TWSG1: variants seen among roughly 807,000 people sequenced by gnomAD.
TWSG1 encodes twisted gastrulation BMP signaling modulator 1.
Under a neutral mutation model 23.0 loss-of-function variants are expected in TWSG1, and 15 were observed. That is an observed-to-expected ratio of 0.65 (90% CI 0.44 to 1.00). The LOEUF (loss-of-function observed/expected upper bound fraction) is 1.00. Among genes scored for constraint, TWSG1 ranks in the 50% least tolerant of loss-of-function variants. TWSG1 has a pLI of 0.00. For missense variants in TWSG1, 242 were observed against 278.7 expected (o/e 0.87, Z 0.94); for synonymous variants, 86 against 92.8 (o/e 0.93, Z 0.42).
chr18:9,377,429 G>C (rs1205233214), intron 3 of TWSG1, among the ~76,000 whole-genome samples: 11 of 150,086 alleles, frequency 7.3e-5, no homozygotes. Flanking sequence ...ATGTTGGCCA[G>C]GTTGGTCTCG....
chr18:9,382,812 A>C (rs1200811679), intron 3 of TWSG1, among the ~76,000 whole-genome samples: 1 of 101,986 alleles, frequency 9.8e-6, no homozygotes, highest in African/African-American at 3.3e-5. Flanking sequence ...GTCTCAAAAA[A>C]AAAAAAACAA....
intron 2 of TWSG1, among the ~76,000 whole-genome samples, chr18:9,345,508 C>T (rs1435242577): frequency 6.6e-6 from 1 of 152,098 alleles, no homozygotes; most frequent in Non-Finnish European, 1.5e-5. Context: ...TCCACTTGTC[C>T]CAGCAACATT....
chr18:9,352,136 T>C (rs1359843526), intron 2 of TWSG1, among the ~76,000 whole-genome samples: 7 of 152,184 alleles, frequency 4.6e-5, no homozygotes, highest in Non-Finnish European at 8.8e-5. Flanking sequence ...TTTTTCTCTA[T>C]AGTTTTGCCT....
At chr18:9,380,447 A>G (rs906261268) in intron 3 of TWSG1, among the ~76,000 whole-genome samples, 2 of 152,206 alleles carry the variant, frequency 1.3e-5, no homozygotes, top group Non-Finnish European at 2.9e-5. Context: ...TCTTGTGAAG[A>G]TGAAGGTGAA....
At chr18:9,363,372 A>G (rs1044778244) in intron 3 of TWSG1, among the ~76,000 whole-genome samples, 2 of 151,970 alleles carry the variant, frequency 1.3e-5, no homozygotes, top group African/African-American at 4.8e-5. Context: ...ACAAAAATAG[A>G]GAGTACAGTG....
At chr18:9,397,592 A>G (rs2040742938) in intron 4 of TWSG1, among the ~76,000 whole-genome samples, 1 of 152,266 alleles carries the variant, frequency 6.6e-6, no homozygotes, top group Non-Finnish European at 1.5e-5. Context: ...CTGTGGAAGC[A>G]TAAAGCACTT....
intron 2 of TWSG1, among the ~76,000 whole-genome samples, chr18:9,346,656 T>C (rs1441092518): frequency 6.6e-6 from 1 of 152,104 alleles, no homozygotes; most frequent in African/African-American, 2.4e-5. Context: ...CCTAGCTAAC[T>C]GGGAGGCCAC....
At chr18:9,365,069 C>G (rs919463504) in intron 3 of TWSG1, among the ~76,000 whole-genome samples, 6 of 152,258 alleles carry the variant, frequency 3.9e-5, no homozygotes, top group Admixed American at 3.3e-4. Flanking sequence ...TCCTGTAATT[C>G]CAGCACGTTG....
intron 3 of TWSG1, among the ~76,000 whole-genome samples, chr18:9,384,025 C>T (rs758682090): frequency 3.9e-5 from 6 of 152,162 alleles, no homozygotes; most frequent in Non-Finnish European, 5.9e-5. Flanking sequence ...GAATAGAAGA[C>T]AGTTTAAAAT....
chr18:9,361,679 G>A (rs974812856), intron 3 of TWSG1, among the ~76,000 whole-genome samples: 2 of 152,170 alleles, frequency 1.3e-5, no homozygotes, highest in Non-Finnish European at 2.9e-5. Flanking sequence ...GAGGGGTGAG[G>A]TCACAGTAAA....
chr18:9,393,976 C>T (rs2040723369), intron 3 of TWSG1, among the ~76,000 whole-genome samples: 1 of 152,134 alleles, frequency 6.6e-6, no homozygotes, highest in Non-Finnish European at 1.5e-5. Context: ...TTAATACAGC[C>T]ACTATGGAAA....
chr18:9,400,900 C>G lies in TWSG1; in HGVS notation c.*1373C>G, dbSNP rs1392991172. On this transcript the variant is annotated 3_prime_UTR_variant, in exon 5 of 5. Transcript: ENST00000262120. ...CAATTTTACAAAATTACTAATTGCT[C>G]TAGTGCATATTTGAACTACAAGCAA... 1 of 152,090 alleles carries G rather than the reference C, an allele frequency of 6.6e-6. No individual in the cohort carries two copies. The highest frequency in any genetic ancestry group is 1.5e-5 in the Non-Finnish European group (1 of 68,018). 9.4% of individuals were successfully genotyped at this position (152,090 alleles called of 1,614,324 possible). A position where few individuals can be genotyped will look rare whatever the true frequency, so the allele number is the denominator to read the frequency against.
At chr18:9,335,157 C>T (rs1465042622) in intron 1 of TWSG1, among the ~76,000 whole-genome samples, 2 of 152,088 alleles carry the variant, frequency 1.3e-5, no homozygotes, top group Non-Finnish European at 2.9e-5. Context: ...ATCTCTGGGC[C>T]GGCCCGCGTC....
Position 9,337,283 on chromosome 18 carries a change from A to T in TWSG1, c.54A>T (p.Thr18=), listed in dbSNP as rs2040427482. Reference sequence around the variant, plus strand: ...CTCTAGCCATCCTGATGTTCCTGACATGGCTTCCAGAATCACTGAGCTGTA... The same window carrying T: ...CTCTAGCCATCCTGATGTTCCTGACTTGGCTTCCAGAATCACTGAGCTGTA... ...VLTLAILMFL[T]WLPESLSCNK... The change falls in exon 2 of 5, where the codon ACA becomes ACT. Residue 18 remains threonine, a synonymous_variant. Transcript: ENST00000262120. The T allele has an allele frequency of 1.9e-6, 3 of 1,613,494 alleles. No individual in the cohort carries two copies. In the East Asian group the frequency reaches 6.7e-5, roughly 36 times the overall value.
intron 3 of TWSG1, among the ~76,000 whole-genome samples, chr18:9,368,890 G>T (rs1398395598): frequency 2.6e-5 from 4 of 152,086 alleles, no homozygotes; most frequent in African/African-American, 9.7e-5. Context: ...GAAGTTTGCA[G>T]TGAGCCGAGA....
chr18:9,337,722 C>G (rs1421966923), intron 2 of TWSG1, among the ~76,000 whole-genome samples: 1 of 152,136 alleles, frequency 6.6e-6, no homozygotes, highest in African/African-American at 2.4e-5. Flanking sequence ...AATTGTTACC[C>G]TAAGTATGAT....
At position 9,351,289 on chromosome 18, in the gene TWSG1, G is replaced by C. The variant is rs965404547; in HGVS notation, c.124-8683G>C. On this transcript the variant is annotated intron_variant, in intron 2 of 4. Transcript: ENST00000262120. ...GAGAAGTAGAAAAAAAGAGTAAAAC[G>C]TTCTTAGTCCTATTATCCAAACACA... 2.6e-5 allele frequency among the ~76,000 whole-genome samples: 4 copies of C among 151,864 alleles called. No homozygotes were observed. The East Asian group carries it at 5.8e-4, about 22-fold the overall frequency.
At chr18:9,366,616 G>A (rs539996367) in intron 3 of TWSG1, among the ~76,000 whole-genome samples, 9 of 152,228 alleles carry the variant, frequency 5.9e-5, no homozygotes, top group African/African-American at 2.2e-4. Context: ...TTGTATCTCA[G>A]GTCAGATCTA....
At chr18:9,395,560 A>C (rs1057105661) in intron 3 of TWSG1, among the ~76,000 whole-genome samples, 5 of 152,108 alleles carry the variant, frequency 3.3e-5, no homozygotes, top group African/African-American at 1.2e-4. Flanking sequence ...TGTTTACAAG[A>C]TGGTAATCCA....
Sources: gnomAD v4.1 joint callset for allele counts (sites outside exome capture counted in the v4.1 genomes callset) on GRCh38, gnomAD v4.1.1 for gene constraint, MANE v1.5 for transcripts, NCBI Gene and HGNC (gene_info 2026-07-23, HGNC 2026-07-21) for gene names.